Variants in VAV2 observed in about 807,000 individuals in gnomAD.
VAV2 encodes the protein vav guanine nucleotide exchange factor 2.
A neutral mutation model predicts 132.5 loss-of-function variants in VAV2; 67 were observed. The observed-to-expected ratio is 0.51, with a 90% CI of 0.42 to 0.62. The LOEUF is 0.62. Ranked by LOEUF, VAV2 falls within the 20% of genes least tolerant of loss-of-function variation. The pLI is 0.00. For synonymous variants in VAV2, 492 were observed against 443.5 expected (o/e 1.11, Z -1.37); for missense variants, 938 against 1,153.6 (o/e 0.81, Z 2.71).
At chr9:133,870,183 C>T (rs1440238205) in intron 2 of VAV2, among the ~76,000 whole-genome samples, 1 of 152,198 alleles carries the variant, frequency 6.6e-6, no homozygotes, top group Non-Finnish European at 1.5e-5. Context: ...AAAGGCACTT[C>T]TCAGCCAGTG....
rs1416742610 is a variant in VAV2 at position 133,802,664 on chromosome 9, A to C, written c.836+3417T>G. 2.6e-5 allele frequency among the ~76,000 whole-genome samples: 4 copies of C among 152,120 alleles called. No individual in the cohort carries two copies. Among genetic ancestry groups the C allele is most frequent in the Non-Finnish European group, 5.9e-5 (4 of 68,018 alleles). On this transcript the variant is annotated intron_variant, in intron 9 of 29. Coordinates refer to ENST00000371850, the MANE Select transcript of VAV2 (RefSeq NM_001134398.2). The surrounding 1 kb of genome is among the most constrained non-coding windows in gnomAD (Gnocchi z 5.8). The stretch of plus-strand genomic sequence containing the variant: ...GAGGATCATGTTTTTTAACTTTCTG[A>C]GTACGTCAAATTCTGAACCCACCAC...
chr9:133,849,558 C>T (rs113171587), intron 3 of VAV2, among the ~76,000 whole-genome samples: 4,632 of 152,312 alleles, frequency 0.03, 148 homozygotes, highest in African/African-American at 0.079. Flanking sequence ...CCTGGGGCTG[C>T]GTAACCAAGC....
At chr9:133,940,645 A>G (rs1841104429) in intron 1 of VAV2, among the ~76,000 whole-genome samples, 1 of 148,408 alleles carries the variant, frequency 6.7e-6, no homozygotes, top group African/African-American at 2.5e-5. Flanking sequence ...CATCTGTTTT[A>G]TCCTAGAGTC....
rs983953461 is a variant in VAV2, at chr9:133,969,161, G to A, written c.204+22914C>T. Among the ~76,000 whole-genome samples, 4 of 151,458 alleles carry A rather than the reference G, an allele frequency of 2.6e-5. No homozygotes were observed. Among genetic ancestry groups the A allele is most frequent in the African/African-American group, 9.7e-5 (4 of 41,162 alleles). On this transcript the variant is annotated intron_variant, in intron 1 of 29. Transcript: ENST00000371850. The surrounding 1 kb of genome is among the most constrained non-coding windows in gnomAD (Gnocchi z 5.1). Reference sequence around the variant, plus strand: ...AGAGCTGGATTCCACCGTGCCCGCCGGGCCTGCGAGGACGAGAGCTGGATT... The same window carrying A: ...AGAGCTGGATTCCACCGTGCCCGCCAGGCCTGCGAGGACGAGAGCTGGATT...
chr9:133,880,556 G>C (rs910280025), intron 2 of VAV2, among the ~76,000 whole-genome samples: 1 of 152,206 alleles, frequency 6.6e-6, no homozygotes, highest in Non-Finnish European at 1.5e-5. Flanking sequence ...CACTGCCAAT[G>C]CCACCGCCCA....
Position 133,935,647 on chromosome 9 carries a change from C to A in VAV2, c.321+3456G>T, listed in dbSNP as rs1840880625. Among the ~76,000 whole-genome samples, 1 of 152,198 alleles carries A rather than the reference C, an allele frequency of 6.6e-6. No homozygotes were observed. Among genetic ancestry groups the A allele is most frequent in the Admixed American group, 6.5e-5 (1 of 15,282 alleles). On this transcript the variant is annotated intron_variant, in intron 2 of 29. Transcript: ENST00000371850. This position sits in a 1 kb window ranked among gnomAD's most constrained non-coding sequence, Gnocchi z 5.2. ...GCCAGGAGGCGCTGGCAGAGCAGAACCGTCAGGCTCCAGACCGTGGTGAAC... is the reference window on the plus strand; with the variant it reads ...GCCAGGAGGCGCTGGCAGAGCAGAAACGTCAGGCTCCAGACCGTGGTGAAC...
At position 133,863,260 on chromosome 9, in the gene VAV2, T is replaced by A. The variant is rs1837668190; in HGVS notation, c.322-1828A>T. 6.6e-6 allele frequency among the ~76,000 whole-genome samples: 1 copy of A among 152,156 alleles called. No individual in the cohort carries two copies. Reference sequence around the variant, plus strand: ...GCACCCAAGCCCCCTCTCACACACCTCCTGCGGCAGACGTGGCTGATCAAT... The same window carrying A: ...GCACCCAAGCCCCCTCTCACACACCACCTGCGGCAGACGTGGCTGATCAAT... On this transcript the variant is annotated intron_variant, in intron 2 of 29. Coordinates refer to ENST00000371850, the MANE Select transcript of VAV2 (RefSeq NM_001134398.2). The surrounding 1 kb of genome is among the most constrained non-coding windows in gnomAD (Gnocchi z 5.0).
chr9:133,947,745 A>G (rs563906478), intron 1 of VAV2, among the ~76,000 whole-genome samples: 1 of 150,898 alleles, frequency 6.6e-6, no homozygotes, highest in African/African-American at 2.4e-5. Flanking sequence ...CATCATGAAC[A>G]CTGAGAGGCT....
chr9:133,856,957 G>A (rs1268846284), intron 3 of VAV2, among the ~76,000 whole-genome samples: 1 of 152,202 alleles, frequency 6.6e-6, no homozygotes, highest in Admixed American at 6.5e-5. Flanking sequence ...CAAGGACCAG[G>A]TGCTGCGCTG....
At chr9:133,849,495 T>C (rs1380726518) in intron 3 of VAV2, among the ~76,000 whole-genome samples, 1 of 152,224 alleles carries the variant, frequency 6.6e-6, no homozygotes, top group Non-Finnish European at 1.5e-5. Context: ...TCCTGGACCC[T>C]GCGTCCCAGA....
chr9:133,777,540 C>T lies in VAV2; in HGVS notation c.1891-77G>A. ...GAGTGTGGGGCCATTTAGACGGACT[C>T]AGCGTATGCCAATCCCGCTCCTGGA... On this transcript the variant is annotated intron_variant, in intron 22 of 29. Coordinates refer to ENST00000371850, the MANE Select transcript of VAV2 (RefSeq NM_001134398.2). 6 of 1,377,440 alleles carry T rather than the reference C, an allele frequency of 4.4e-6. No homozygotes were observed. The South Asian group carries it at 7.1e-5, about 16-fold the overall frequency. The allele number at this position is 1,377,440 out of a possible 1,614,324, so 85.3% of individuals were successfully genotyped here. A position where few individuals can be genotyped will look rare whatever the true frequency, so the allele number is the denominator to read the frequency against.
At chr9:133,893,469 A>C (rs777900360) in intron 2 of VAV2, among the ~76,000 whole-genome samples, 45 of 152,186 alleles carry the variant, frequency 3.0e-4, no homozygotes, top group Non-Finnish European at 5.3e-4. Flanking sequence ...TCAGGTGGCA[A>C]GGGACCTGCC....
intron 1 of VAV2, among the ~76,000 whole-genome samples, chr9:133,942,981 G>A (rs919774924): frequency 2.6e-5 from 4 of 152,244 alleles, no homozygotes; most frequent in African/African-American, 9.6e-5. Context: ...TCCCTTCAGG[G>A]AGCATTTCCT....
rs577889089 is a variant in VAV2 at position 133,770,368 on chromosome 9, G to A, written c.2347+10C>T. On this transcript the variant is annotated intron_variant, in intron 27 of 29. Transcript: ENST00000371850. ...GGAGTGCTGGTGTGCCGGCTGGGCC[G>A]GGGCGTTACCTGGGGACCGGCTGGA... 8.4e-5 allele frequency: 136 copies of A among 1,613,776 alleles called. 2 individuals are homozygous for A. In the Middle Eastern group the frequency reaches 2.5e-3, roughly 29 times the overall value.
Position 133,885,005 on chromosome 9 carries a change from C to G in VAV2, c.322-23573G>C, listed in dbSNP as rs534501249. On this transcript the variant is annotated intron_variant, in intron 2 of 29. Transcript: ENST00000371850. This position sits in a 1 kb window ranked among gnomAD's most constrained non-coding sequence, Gnocchi z 5.0. ...CATTCCAAAGACTCCAAAGATAATG[C>G]CAAAGGCTCCACTTCCAGGCCGATG... 6.6e-6 allele frequency among the ~76,000 whole-genome samples: 1 copy of G among 152,356 alleles called. No individual in the cohort carries two copies. Among genetic ancestry groups the G allele is most frequent in the East Asian group, 1.9e-4 (1 of 5,182 alleles).
intron 1 of VAV2, among the ~76,000 whole-genome samples, chr9:133,951,774 G>A (rs563415997): frequency 3.3e-5 from 5 of 152,262 alleles, no homozygotes; most frequent in Admixed American, 6.5e-5. Flanking sequence ...AAGCAGAGGC[G>A]GTTTCCCCAT....
At position 133,935,835 on chromosome 9, in the gene VAV2, G is replaced by A. The variant is rs936210153; in HGVS notation, c.321+3268C>T. Among the ~76,000 whole-genome samples, 1 of 152,182 alleles carries A rather than the reference G, an allele frequency of 6.6e-6. No homozygotes were observed. The highest frequency in any genetic ancestry group is 1.5e-5 in the Non-Finnish European group (1 of 68,010). ...CAGGCCCACGCTGAAGGGCAAGTGCGGGTTCCGGCTCCATTGCTCCCAAGT... is the reference window on the plus strand; with the variant it reads ...CAGGCCCACGCTGAAGGGCAAGTGCAGGTTCCGGCTCCATTGCTCCCAAGT... On this transcript the variant is annotated intron_variant, in intron 2 of 29. Transcript: ENST00000371850. The surrounding 1 kb of genome is among the most constrained non-coding windows in gnomAD (Gnocchi z 5.2).
chr9:133,886,958 T>C (rs1281587746), intron 2 of VAV2, among the ~76,000 whole-genome samples: 1 of 152,160 alleles, frequency 6.6e-6, no homozygotes, highest in African/African-American at 2.4e-5. Context: ...GGCAGGACTT[T>C]CCCAGTCCCA....
At chr9:133,831,178 G>A (rs1328459284) in intron 4 of VAV2, among the ~76,000 whole-genome samples, 4 of 152,168 alleles carry the variant, frequency 2.6e-5, no homozygotes, top group African/African-American at 7.2e-5. Flanking sequence ...GCTCACGCCT[G>A]TAATCTCAGC....
Sources: gnomAD v4.1 joint callset for allele counts (sites outside exome capture counted in the v4.1 genomes callset) on GRCh38, gnomAD v4.1.1 for gene constraint, Gnocchi (gnomAD v3.1) non-coding constraint, MANE v1.5 for transcripts, NCBI Gene and HGNC (gene_info 2026-07-23, HGNC 2026-07-21) for gene names.